Variants in BCAS3 observed in about 807,000 individuals in gnomAD.
BCAS3 encodes BCAS3 microtubule associated cell migration factor.
In BCAS3, 53 loss-of-function variants were observed where a neutral mutation model predicts 116.1. That is an observed-to-expected ratio of 0.46 (90% CI 0.37 to 0.57). The LOEUF (loss-of-function observed/expected upper bound fraction) is 0.57. BCAS3 is among the 20% of genes least tolerant of loss of function. The pLI is 0.00. For missense variants in BCAS3, 917 were observed against 1,165.4 expected, an observed-to-expected ratio of 0.79 and a Z score of 3.10; for synonymous variants, 391 against 408.2, an observed-to-expected ratio of 0.96 and a Z score of 0.51.
chr17:61,335,331 T>C (rs1310536935), intron 22 of BCAS3, among the ~76,000 whole-genome samples: 6 of 152,176 alleles, frequency 3.9e-5, no homozygotes, highest in African/African-American at 1.4e-4. Flanking sequence ...ATAGTCAAGG[T>C]CCCTAATGTT....
chr17:60,852,422 T>C (rs1271206084), intron 7 of BCAS3, among the ~76,000 whole-genome samples: 1 of 152,168 alleles, frequency 6.6e-6, no homozygotes, highest in African/African-American at 2.4e-5. Context: ...TGTGAATTGG[T>C]GGGATGTGTG....
chr17:61,129,563 C>T (rs1010846792), intron 22 of BCAS3, among the ~76,000 whole-genome samples: 5 of 152,332 alleles, frequency 3.3e-5, no homozygotes, highest in African/African-American at 9.6e-5. Flanking sequence ...AATGAGAATA[C>T]GTCTGAGATG....
intron 22 of BCAS3, among the ~76,000 whole-genome samples, chr17:61,320,037 G>A (rs1337193522): frequency 2.0e-5 from 3 of 151,312 alleles, no homozygotes; most frequent in Non-Finnish European, 4.4e-5. Flanking sequence ...TTACAGGCTC[G>A]TGCCGCCACA....
rs146888254 is a variant in BCAS3, at chr17:61,262,217, GA to G, written c.2426-106100del. ...CTTTCATGATGGTAATAACCAATTAGAAAAAAAAAAGATCCTATTTGCAATA... is the reference window on the plus strand; with the variant it reads ...CTTTCATGATGGTAATAACCAATTAGAAAAAAAAAGATCCTATTTGCAATA... On this transcript the variant is annotated intron_variant, in intron 22 of 23. Coordinates refer to ENST00000407086, the MANE Select transcript of BCAS3 (RefSeq NM_017679.5). Among the ~76,000 whole-genome samples, 84 of 145,760 alleles carry G rather than the reference GA, an allele frequency of 5.8e-4. No individual in the cohort carries two copies. In the South Asian group the frequency reaches 0.017, roughly 30 times the overall value.
At chr17:61,201,041 G>A (rs949746631) in intron 22 of BCAS3, among the ~76,000 whole-genome samples, 5 of 152,028 alleles carry the variant, frequency 3.3e-5, no homozygotes, top group African/African-American at 1.2e-4. Flanking sequence ...AGAATTATAG[G>A]TCATACAGTT....
At chr17:61,310,485 C>T (rs935722130) in intron 22 of BCAS3, among the ~76,000 whole-genome samples, 8 of 149,704 alleles carry the variant, frequency 5.3e-5, no homozygotes, top group African/African-American at 1.7e-4. Context: ...ACCCAAGAGG[C>T]GGAGGTTGCA....
rs1478403729 is a variant in BCAS3, at chr17:61,222,114, T to C, written c.2425+137550T>C. ...AAAGTGCATAATTTTAGGGAATTTGTTAACAGTCATGCCGACATAGATACA... is the reference window on the plus strand; with the variant it reads ...AAAGTGCATAATTTTAGGGAATTTGCTAACAGTCATGCCGACATAGATACA... On this transcript the variant is annotated intron_variant, in intron 22 of 23. Transcript: ENST00000407086. This position sits in a 1 kb window ranked among gnomAD's most constrained non-coding sequence, Gnocchi z 6.1. 6.6e-6 allele frequency among the ~76,000 whole-genome samples: 1 copy of C among 152,166 alleles called. No individual in the cohort carries two copies. The highest frequency in any genetic ancestry group is 1.5e-5 in the Non-Finnish European group (1 of 68,024).
intron 13 of BCAS3, among the ~76,000 whole-genome samples, chr17:60,944,021 C>T (rs534261620): frequency 1.2e-4 from 19 of 152,002 alleles, no homozygotes; most frequent in African/African-American, 4.1e-4. Flanking sequence ...GTGCTTACTC[C>T]AGAAAAGAAG....
rs1555861733 is a variant in BCAS3, at chr17:61,375,246, G to GTGTGCGCGCGCGCACA, written c.2593+6756_2593+6757insCGCGCGCGCACATGTG. ...TGTGTGTGTGTGTGTGTGTGTGTGT[G>GTGTGCGCGCGCGCACA]TGTGTGTGTACTAATAAAGTCTTTC... On this transcript the variant is annotated intron_variant, in intron 23 of 23. Coordinates refer to ENST00000407086, the MANE Select transcript of BCAS3 (RefSeq NM_017679.5). 5.7e-3 allele frequency among the ~76,000 whole-genome samples: 857 copies of GTGTGCGCGCGCGCACA among 150,780 alleles called. 9 individuals are homozygous for GTGTGCGCGCGCGCACA. Among genetic ancestry groups the GTGTGCGCGCGCGCACA allele is most frequent in the African/African-American group, 0.017 (677 of 40,272 alleles).
At chr17:61,319,621 T>C (rs544582082) in intron 22 of BCAS3, among the ~76,000 whole-genome samples, 1 of 151,854 alleles carries the variant, frequency 6.6e-6, no homozygotes, top group African/African-American at 2.4e-5. Flanking sequence ...GCCATCTAGG[T>C]CTGTTTAAGA....
intron 22 of BCAS3, among the ~76,000 whole-genome samples, chr17:61,232,200 GAAAA>G (rs71148394): frequency 2.8e-5 from 2 of 72,478 alleles, no homozygotes; most frequent in East Asian, 4.6e-4. Context: ...GAAAGACTCC[GAAAA>G]AAAAAAAAAA....
intron 12 of BCAS3, among the ~76,000 whole-genome samples, chr17:60,913,404 A>AAT: frequency 6.6e-6 from 1 of 152,090 alleles, no homozygotes; most frequent in Non-Finnish European, 1.5e-5. Context: ...CATTTTAAAA[A>AAT]ATATATATAA....
At chr17:60,810,577 G>T (rs2048715608) in intron 7 of BCAS3, 4 of 803,084 alleles carry the variant, frequency 5.0e-6, no homozygotes, top group Non-Finnish European at 8.7e-6. Flanking sequence ...GGACCTGAGG[G>T]CTCAGATCTT....
chr17:60,887,427 T>A, intron 9 of BCAS3: 1 of 153,738 alleles, frequency 6.5e-6, no homozygotes. Context: ...TTGCTCACGC[T>A]GGGAGCTGTA....
intron 14 of BCAS3, among the ~76,000 whole-genome samples, chr17:60,986,283 A>G (rs1280397972): frequency 2.6e-5 from 4 of 152,182 alleles, no homozygotes; most frequent in Non-Finnish European, 5.9e-5. Context: ...GCTATTGTGA[A>G]TAATGCTGCA....
chr17:61,380,575 T>C lies in BCAS3; in HGVS notation c.2594-11402T>C, dbSNP rs1389941776. On this transcript the variant is annotated intron_variant, in intron 23 of 23. Transcript: ENST00000407086. The surrounding 1 kb of genome is among the most constrained non-coding windows in gnomAD (Gnocchi z 4.2). ...CACGTGGCAGTGAAGTGTTTTGGTA[T>C]GTAACGTCCTATCTTTGCCTATGTG... 5 of 1,597,236 alleles carry C rather than the reference T, an allele frequency of 3.1e-6. No homozygotes were observed. Among genetic ancestry groups the C allele is most frequent in the Admixed American group, 3.3e-5 (2 of 59,982 alleles).
chr17:60,835,685 A>G (rs560041193), intron 7 of BCAS3, among the ~76,000 whole-genome samples: 2 of 152,226 alleles, frequency 1.3e-5, no homozygotes, highest in African/African-American at 4.8e-5. Context: ...GCTTTCCTGT[A>G]TAAAGTTTTA....
intron 19 of BCAS3, among the ~76,000 whole-genome samples, chr17:61,069,342 C>T (rs1349165280): frequency 2.0e-5 from 3 of 152,102 alleles, no homozygotes; most frequent in Non-Finnish European, 2.9e-5. Context: ...AATGGTGCAA[C>T]TGAGCCAATG....
In BCAS3 at chr17:61,122,725, A is replaced by T. The variant is rs548994002; in HGVS notation, c.2425+38161A>T. ...ATTTTCCCACATAGACAAAAAACAA[A>T]ACAAAACAAAAAACCATCTCAGCAA... On this transcript the variant is annotated intron_variant, in intron 22 of 23. Transcript: ENST00000407086. This position sits in a 1 kb window ranked among gnomAD's most constrained non-coding sequence, Gnocchi z 4.6. Among the ~76,000 whole-genome samples the T allele has an allele frequency of 2.0e-5, 3 of 152,324 alleles. No homozygotes were observed. Among genetic ancestry groups the T allele is most frequent in the South Asian group, 4.1e-4 (2 of 4,828 alleles).
Sources: allele counts gnomAD v4.1 joint callset (sites outside exome capture counted in the v4.1 genomes callset), GRCh38; gene constraint gnomAD v4.1.1; non-coding constraint Gnocchi (gnomAD v3.1); transcripts MANE v1.5; gene names NCBI Gene and HGNC (gene_info 2026-07-23, HGNC 2026-07-21).